Variants in ZNF536 observed in about 807,000 individuals in gnomAD.
ZNF536 encodes zinc finger protein 536.
In ZNF536, 13 loss-of-function variants were observed where a neutral mutation model predicts 84.5. The observed-to-expected ratio is 0.15, with a 90% confidence interval of 0.10 to 0.24. The LOEUF is 0.24. Ranked by LOEUF, ZNF536 falls within the 10% of genes least tolerant of loss-of-function variation. ZNF536 has a pLI of 1.00. For synonymous variants in ZNF536, 811 were observed against 742.5 expected, an observed-to-expected ratio of 1.09 and a Z score of -1.50; for missense variants, 1,536 against 1,747.5, an observed-to-expected ratio of 0.88 and a Z score of 2.16.
intron 2 of ZNF536, among the ~76,000 whole-genome samples, chr19:30,496,523 A>C (rs572707592): frequency 1.3e-5 from 2 of 152,190 alleles, no homozygotes; most frequent in Admixed American, 1.3e-4. Context: ...TTTAATGAGT[A>C]TCAGCAGAGG....
intron 1 of ZNF536, among the ~76,000 whole-genome samples, chr19:30,669,397 C>T (rs56203273): frequency 0.21 from 31,384 of 152,262 alleles, 3,724 homozygotes; most frequent in African/African-American, 0.29. Flanking sequence ...CCCTCACACA[C>T]TCCCTTTAGG....
chr19:30,568,745 C>T (rs1211663211), intron 1 of ZNF536, among the ~76,000 whole-genome samples: 1 of 152,152 alleles, frequency 6.6e-6, no homozygotes, highest in East Asian at 1.9e-4. Context: ...GATGACAGGC[C>T]CTTAGTTCTG....
At chr19:30,559,049 C>G (rs147028605), downstream of ZNF536, among the ~76,000 whole-genome samples, 1 of 152,338 alleles carries the variant, frequency 6.6e-6, no homozygotes, top group East Asian at 1.9e-4. Context: ...TTTCAAGTGA[C>G]TCTGACTCCA....
intron 1 of ZNF536, among the ~76,000 whole-genome samples, chr19:30,435,868 G>C (rs906199535): frequency 3.3e-5 from 5 of 152,006 alleles, no homozygotes; most frequent in Admixed American, 2.0e-4. Flanking sequence ...TCATTTCTGG[G>C]CTGCAGTTTT....
intron 1 of ZNF536, among the ~76,000 whole-genome samples, chr19:30,678,542 G>A (rs1320697937): frequency 1.3e-5 from 2 of 152,114 alleles, no homozygotes; most frequent in Non-Finnish European, 2.9e-5. Context: ...TTTCCCTTCT[G>A]CTCACAGCAT....
chr19:30,464,222 A>G (rs1008272800), intron 2 of ZNF536, among the ~76,000 whole-genome samples: 7 of 152,088 alleles, frequency 4.6e-5, no homozygotes, highest in South Asian at 2.1e-4. Context: ...ACGATGAAGG[A>G]TTAGGGGTGC....
chr19:30,567,034 G>C (rs2046377225), intron 1 of ZNF536, among the ~76,000 whole-genome samples: 1 of 151,832 alleles, frequency 6.6e-6, no homozygotes, highest in Non-Finnish European at 1.5e-5. Context: ...GGTAGTGGCG[G>C]TTCCTGGGAG....
intron 3 of ZNF536, among the ~76,000 whole-genome samples, chr19:30,366,455 C>G (rs1435572856): frequency 6.6e-6 from 1 of 150,960 alleles, no homozygotes; most frequent in East Asian, 1.9e-4. Flanking sequence ...CTTCCTTTCT[C>G]CTTCTCTCCT....
rs2145934444 is a variant in ZNF536 at position 30,534,914 on chromosome 19, G to A, written c.2238G>A (p.Leu746=). Residue 746 remains leucine (L), a synonymous_variant, in exon 3 of 5, where the codon CTG becomes CTA. Coordinates refer to ENST00000355537, the MANE Select transcript of ZNF536 (RefSeq NM_014717.3). ...CAGCGCTGCTTCGCGACAGAAGCCTGGGCTCGGCCATGAAGGACTGCCCGT... is the reference window on the plus strand; with the variant it reads ...CAGCGCTGCTTCGCGACAGAAGCCTAGGCTCGGCCATGAAGGACTGCCCGT... ...QQPALLRDRS[L]GSAMKDCPYC... 6.2e-7 allele frequency: 1 copy of A among 1,613,958 alleles called. No individual in the cohort carries two copies. The highest frequency in any genetic ancestry group is 8.5e-7 in the Non-Finnish European group (1 of 1,179,910).
rs140658366 is a variant in ZNF536 at position 30,465,296 on chromosome 19, G to A, written c.2170+19564G>A. 9.7e-3 allele frequency among the ~76,000 whole-genome samples: 1,472 copies of A among 152,140 alleles called. 9 individuals carry two copies. Among genetic ancestry groups the A allele is most frequent in the Non-Finnish European group, 0.016 (1,059 of 68,018 alleles). ...GGCTTCATCTCACCTTCACCTCAACGCCACTTCCTCTGGGAGGCCTTTCCA... is the reference window on the plus strand; with the variant it reads ...GGCTTCATCTCACCTTCACCTCAACACCACTTCCTCTGGGAGGCCTTTCCA... On this transcript the variant is annotated intron_variant, in intron 2 of 4. Coordinates refer to ENST00000355537, the MANE Select transcript of ZNF536 (RefSeq NM_014717.3).
chr19:30,661,760 A>G lies in ZNF536; in HGVS notation c.170-48997A>G, dbSNP rs923979109. On this transcript the variant is annotated intron_variant, in intron 1 of 1. Transcript: ENST00000592773. ...CCATGTAGCTATAAAATTATATTGC[A>G]GAGGAATAATTAATGACAGGGAGAA... Among the ~76,000 whole-genome samples the G allele has an allele frequency of 6.6e-5, 10 of 152,378 alleles. No individual in the cohort carries two copies. In the East Asian group the frequency reaches 1.7e-3, roughly 26 times the overall value.
At chr19:30,578,406 A>G (rs554982681) in intron 1 of ZNF536, among the ~76,000 whole-genome samples, 4 of 152,366 alleles carry the variant, frequency 2.6e-5, no homozygotes, top group Admixed American at 2.6e-4. Context: ...GAGCCCAGGC[A>G]TAATGCCTGC....
intron 1 of ZNF536, among the ~76,000 whole-genome samples, chr19:30,664,421 G>T (rs184932734): frequency 6.6e-6 from 1 of 152,272 alleles, no homozygotes; most frequent in African/African-American, 2.4e-5. Flanking sequence ...ATCAGGCCAG[G>T]CTGCTGGAGG....
At chr19:30,385,668 C>A (rs1337344169) in intron 1 of ZNF536, among the ~76,000 whole-genome samples, 1 of 152,204 alleles carries the variant, frequency 6.6e-6, no homozygotes, top group African/African-American at 2.4e-5. Flanking sequence ...GCAGGACACA[C>A]CTGTCCACCC....
At chr19:30,654,238 A>G (rs994497064) in intron 1 of ZNF536, among the ~76,000 whole-genome samples, 4 of 152,172 alleles carry the variant, frequency 2.6e-5, no homozygotes, top group African/African-American at 9.7e-5. Context: ...ACCTTCACCT[A>G]GGTACATCCA....
At chr19:30,462,292 TTGTGTGTGTGAG>T (rs1199621960) in intron 2 of ZNF536, among the ~76,000 whole-genome samples, 3 of 144,088 alleles carry the variant, frequency 2.1e-5, no homozygotes, top group East Asian at 2.0e-4. Context: ...TCTTGTGATT[TTGTGTGTGTGAG>T]TGTGTGTGTG....
intron 1 of ZNF536, among the ~76,000 whole-genome samples, chr19:30,624,563 G>A (rs1290642091): frequency 6.6e-6 from 1 of 152,076 alleles, no homozygotes; most frequent in African/African-American, 2.4e-5. Context: ...ACAATAAAAA[G>A]CCTGATCTCT....
intron 1 of ZNF536, among the ~76,000 whole-genome samples, chr19:30,417,291 C>T (rs2050775875): frequency 6.6e-6 from 1 of 151,710 alleles, no homozygotes; most frequent in Non-Finnish European, 1.5e-5. Flanking sequence ...GCCACTGTGC[C>T]CGGCCCTGAT....
intron 1 of ZNF536, among the ~76,000 whole-genome samples, chr19:30,646,432 T>C (rs781509011): frequency 6.6e-6 from 1 of 152,228 alleles, no homozygotes; most frequent in African/African-American, 2.4e-5. Flanking sequence ...CAGGAGTGCA[T>C]CTTTGCAAGG....
Sources: gnomAD v4.1 joint callset for allele counts (sites outside exome capture counted in the v4.1 genomes callset) on GRCh38, gnomAD v4.1.1 for gene constraint, MANE v1.5 for transcripts, NCBI Gene and HGNC (gene_info 2026-07-23, HGNC 2026-07-21) for gene names.